Variants in VPS13A observed in about 807,000 individuals in gnomAD.
VPS13A encodes the protein vacuolar protein sorting 13 homolog A.
A neutral mutation model predicts 390.9 loss-of-function variants in VPS13A; 264 were observed. The ratio of observed to expected loss-of-function variants is 0.68; its 90% CI spans 0.61 to 0.75. VPS13A has a LOEUF of 0.75. Ranked by LOEUF, VPS13A falls within the 30% of genes least tolerant of loss-of-function variation. The pLI is 0.00. For synonymous variants in VPS13A, 1,231 were observed against 1,227.1 expected, an observed-to-expected ratio of 1.00 and a Z score of -0.07; for missense variants, 3,409 against 3,733.9, an observed-to-expected ratio of 0.91 and a Z score of 2.27.
rs1455714146 is a variant in VPS13A at position 77,421,331 on chromosome 9, AAC to A, written c.*5329_*5330del. 6.6e-6 allele frequency: 1 copy of A among 152,228 alleles called. No individual in the cohort carries two copies. The highest frequency in any genetic ancestry group is 2.4e-5 in the African/African-American group (1 of 41,458). The allele number at this position is 152,228 out of a possible 1,614,324, so 9.4% of individuals were successfully genotyped here. ...TTTGTGTATTCTAAGATAATTTATA[AAC>A]ACAGATATTTACAGTGAAGTTCTTC... On this transcript the variant is annotated 3_prime_UTR_variant, in exon 72 of 72. Transcript: ENST00000360280.
chr9:77,178,153 G>A, intron 1 of VPS13A: 1 of 293,290 alleles, frequency 3.4e-6, no homozygotes, highest in South Asian at 3.1e-5. Flanking sequence ...CTTTAGCCGC[G>A]CGGGGCGAGG....
At chr9:77,408,637 A>AGAT (rs1163994417) in intron 71 of VPS13A, among the ~76,000 whole-genome samples, 1 of 152,214 alleles carries the variant, frequency 6.6e-6, no homozygotes, top group Non-Finnish European at 1.5e-5. Flanking sequence ...GCACACCAGG[A>AGAT]GATTATATCC....
chr9:77,358,443 GT>G lies in VPS13A; in HGVS notation c.8035+10del, dbSNP rs1214693561. 7.5e-6 allele frequency: 12 copies of G among 1,610,252 alleles called. No individual in the cohort carries two copies. The highest frequency in any genetic ancestry group is 8.5e-6 in the Non-Finnish European group (10 of 1,177,406). On this transcript the variant is annotated splice_donor_region_variant and intron_variant, in intron 57 of 71. Transcript: ENST00000360280. ...AGTCGGTCACCATGGATTCAGGTTT[GT>G]TTTTATTTTTAGATTTCCATAAAAG...
chr9:77,281,086 C>T (rs1826997221), intron 27 of VPS13A, among the ~76,000 whole-genome samples: 1 of 150,706 alleles, frequency 6.6e-6, no homozygotes, highest in African/African-American at 2.4e-5. Context: ...TAAAACTGAA[C>T]TTATAGAAGT....
chr9:77,195,498 A>G (rs1489503101), intron 1 of VPS13A, among the ~76,000 whole-genome samples: 1 of 152,086 alleles, frequency 6.6e-6, no homozygotes, highest in Non-Finnish European at 1.5e-5. Context: ...GCGTTCTGGG[A>G]GGCTGAGGCG....
chr9:77,355,881 C>T (rs890413288), intron 54 of VPS13A, among the ~76,000 whole-genome samples: 1 of 152,184 alleles, frequency 6.6e-6, no homozygotes, highest in Non-Finnish European at 1.5e-5. Context: ...AGGGCCATCA[C>T]CATTTTTCAA....
chr9:77,207,252 T>TATATATATAAAA, intron 5 of VPS13A, among the ~76,000 whole-genome samples: 1 of 87,274 alleles, frequency 1.1e-5, no homozygotes, highest in Non-Finnish European at 2.3e-5. Flanking sequence ...TATATATATA[T>TATATATATAAAA]AAAACGTGTT....
chr9:77,208,066 A>G (rs1825778180), intron 5 of VPS13A, among the ~76,000 whole-genome samples: 2 of 152,198 alleles, frequency 1.3e-5, no homozygotes, highest in South Asian at 4.1e-4. Context: ...TGAGCTGCAT[A>G]AGGAAGTCAG....
chr9:77,247,087 C>T (rs1824860235), intron 19 of VPS13A, among the ~76,000 whole-genome samples, 172 bp from the exon 20 acceptor site: 1 of 151,942 alleles, frequency 6.6e-6, no homozygotes, highest in South Asian at 2.1e-4. Context: ...AATAGGAGTA[C>T]ATGCATTGGC....
At chr9:77,257,832 C>G (rs1825534982) in intron 22 of VPS13A, among the ~76,000 whole-genome samples, 1 of 152,080 alleles carries the variant, frequency 6.6e-6, no homozygotes, top group African/African-American at 2.4e-5. Context: ...CTGTTTTGCC[C>G]CCTCCAGTTT....
intron 52 of VPS13A, among the ~76,000 whole-genome samples, chr9:77,346,863 G>A (rs1831185686): frequency 6.6e-6 from 1 of 152,228 alleles, no homozygotes; most frequent in African/African-American, 2.4e-5. Flanking sequence ...AGCCTTGTCT[G>A]TAAACCATTA....
chr9:77,273,602 T>A (rs1204643325), intron 24 of VPS13A, among the ~76,000 whole-genome samples: 1 of 152,092 alleles, frequency 6.6e-6, no homozygotes, highest in Non-Finnish European at 1.5e-5. Flanking sequence ...TAACTCAAGG[T>A]GGTGATTAAA....
chr9:77,391,720 G>C (rs928824402), intron 68 of VPS13A, among the ~76,000 whole-genome samples: 1 of 152,074 alleles, frequency 6.6e-6, no homozygotes, highest in African/African-American at 2.4e-5. Context: ...ATACAAATAT[G>C]GGAGATTGAA....
Position 77,409,695 on chromosome 9 carries a change from A to G in VPS13A, c.9474+2088A>G, listed in dbSNP as rs1230448808. 2.6e-5 allele frequency among the ~76,000 whole-genome samples: 4 copies of G among 151,228 alleles called. 1 individual carries two copies. In the East Asian group the frequency reaches 8.2e-4, roughly 31 times the overall value. On this transcript the variant is annotated intron_variant, in intron 71 of 71. Transcript: ENST00000360280. ...GATGCGATCAACTGGAAGAAAGGGT[A>G]TCAGTGATGGAAGATGAAATGAATG...
chr9:77,313,646 A>G (rs1829220895), intron 35 of VPS13A, among the ~76,000 whole-genome samples: 1 of 152,208 alleles, frequency 6.6e-6, no homozygotes, highest in South Asian at 2.1e-4. Context: ...ATACTGAATT[A>G]TGTGCCAGTT....
intron 19 of VPS13A, among the ~76,000 whole-genome samples, chr9:77,239,819 C>CT (rs1473041673): frequency 6.6e-6 from 1 of 151,838 alleles, no homozygotes; most frequent in African/African-American, 2.4e-5. Context: ...GGATACCTTT[C>CT]TTCCCCCTTC....
At chr9:77,275,406 T>G in intron 24 of VPS13A, 92 bp from the exon 25 acceptor site, 1 of 1,190,472 alleles carries the variant, frequency 8.4e-7, no homozygotes, top group Non-Finnish European at 1.2e-6. Flanking sequence ...AAAGAGAGCC[T>G]TAGTGTTTTA....
At chr9:77,211,549 T>C (rs1825973595) in intron 7 of VPS13A, 1 of 152,114 alleles carries the variant, frequency 6.6e-6, no homozygotes, top group South Asian at 2.1e-4. Flanking sequence ...TTGGGCAGCC[T>C]CCCAAGCCAG....
intron 54 of VPS13A, among the ~76,000 whole-genome samples, chr9:77,355,209 C>G (rs912356464): frequency 5.9e-5 from 9 of 152,316 alleles, no homozygotes; most frequent in African/African-American, 2.2e-4. Context: ...CCACTCCAAA[C>G]AGGGTTTTGC....
Sources: allele counts gnomAD v4.1 joint callset (sites outside exome capture counted in the v4.1 genomes callset), GRCh38; gene constraint gnomAD v4.1.1; transcripts MANE v1.5; gene names NCBI Gene and HGNC (gene_info 2026-07-23, HGNC 2026-07-21).